Variants in CA5A observed in about 807,000 individuals in gnomAD.
The protein encoded by CA5A is carbonic anhydrase 5A, also known as carbonic anhydrase 5A, mitochondrial.
A neutral mutation model predicts 37.1 loss-of-function variants in CA5A; 28 were observed. That is an observed-to-expected ratio of 0.75 (90% confidence interval 0.56 to 1.03). CA5A has a LOEUF of 1.03. CA5A is among the 50% of genes least tolerant of loss of function. CA5A has a pLI of 0.00. For missense variants in CA5A, 444 were observed against 399.9 expected (o/e 1.11, Z -0.94); for synonymous variants, 171 against 158.4 (o/e 1.08, Z -0.60).
chr16:87,919,235 C>T (rs911278434), intron 2 of CA5A, among the ~76,000 whole-genome samples: 2 of 152,192 alleles, frequency 1.3e-5, no homozygotes, highest in African/African-American at 4.8e-5. Context: ...GAGGTCAGCT[C>T]GGGGTCCATG....
intron 2 of CA5A, among the ~76,000 whole-genome samples, chr16:87,914,187 A>G (rs534744729): frequency 2.0e-5 from 3 of 152,310 alleles, no homozygotes; most frequent in Non-Finnish European, 2.9e-5. Flanking sequence ...TGGAGCAGAA[A>G]TGTGTTGTTG....
rs145845734 is a variant in CA5A, at chr16:87,910,914, T to C, written c.341-6010A>G. The stretch of plus-strand genomic sequence containing the variant: ...ATAGGCACCCACCAGCATGCCCAGC[T>C]AATTTTTGTATTTTTAGTAGAGACG... On this transcript the variant is annotated intron_variant, in intron 2 of 6. Coordinates refer to ENST00000649794, the MANE Select transcript of CA5A (RefSeq NM_001739.2). 6.2e-3 allele frequency among the ~76,000 whole-genome samples: 950 copies of C among 152,088 alleles called. 2 individuals carry two copies. The highest frequency in any genetic ancestry group is 0.011 in the Non-Finnish European group (724 of 67,970).
intron 2 of CA5A, among the ~76,000 whole-genome samples, chr16:87,919,809 G>A (rs561102115): frequency 1.3e-5 from 2 of 152,186 alleles, no homozygotes; most frequent in Admixed American, 6.5e-5. Flanking sequence ...GGGCAGCGGC[G>A]GGTGGGAGAT....
chr16:87,892,258 T>G (rs2143905846), intron 5 of CA5A: 1 of 217,966 alleles, frequency 4.6e-6, no homozygotes, highest in African/African-American at 2.3e-5. Flanking sequence ...CCCTGTAATC[T>G]CAGCACTTTG....
intron 2 of CA5A, among the ~76,000 whole-genome samples, chr16:87,916,488 C>T (rs1343777303): frequency 6.6e-6 from 1 of 152,128 alleles, no homozygotes; most frequent in African/African-American, 2.4e-5. Context: ...TCTTTTCTGA[C>T]CATGTTGTGT....
intron 2 of CA5A, among the ~76,000 whole-genome samples, chr16:87,912,879 G>A (rs1317758355): frequency 6.6e-6 from 1 of 152,236 alleles, no homozygotes; most frequent in Admixed American, 6.5e-5. Context: ...GGAAGCACCA[G>A]CCGGCGAAGG....
rs556778615 is a variant in CA5A, at chr16:87,935,476, G to A, written c.142+833C>T. Among the ~76,000 whole-genome samples the A allele has an allele frequency of 3.3e-4, 51 of 152,320 alleles. 1 individual carries two copies. Among genetic ancestry groups the A allele is most frequent in the African/African-American group, 1.2e-3 (49 of 41,566 alleles). ...GGTCTGGATGGTGAGTCGTGCCAGT[G>A]TGTCCCGTGCGAACACGGACTACCC... is the stretch of plus-strand genomic sequence containing the variant. On this transcript the variant is annotated intron_variant, in intron 1 of 6. Transcript: ENST00000649794.
intron 2 of CA5A, chr16:87,924,410 GAGA>G (rs1318384916): frequency 4.6e-5 from 34 of 733,196 alleles, no homozygotes; most frequent in Admixed American, 3.1e-4. Context: ...GCCTGGCACA[GAGA>G]AGAAGCTCTC....
At chr16:87,909,501 A>G (rs1400917931) in intron 2 of CA5A, among the ~76,000 whole-genome samples, 2 of 152,242 alleles carry the variant, frequency 1.3e-5, no homozygotes, top group South Asian at 2.1e-4. Flanking sequence ...CAGCAGGTGC[A>G]GGGGCCGATG....
intron 1 of CA5A, among the ~76,000 whole-genome samples, chr16:87,935,525 C>G (rs2144114357): frequency 6.6e-6 from 1 of 152,302 alleles, no homozygotes; most frequent in South Asian, 2.1e-4. Flanking sequence ...ATCTTGCCCT[C>G]CCCAGGACCC....
chr16:87,893,831 G>T, intron 5 of CA5A: 1 of 332,328 alleles, frequency 3.0e-6, no homozygotes, highest in South Asian at 2.5e-5. Context: ...GGAGTGCAAT[G>T]ATGCCATCAT....
intron 2 of CA5A, among the ~76,000 whole-genome samples, chr16:87,916,832 G>T (rs184327498): frequency 1.3e-5 from 2 of 152,220 alleles, no homozygotes; most frequent in Non-Finnish European, 2.9e-5. Context: ...GCTGGGCATG[G>T]TGGCTCACGC....
At chr16:87,929,614 T>C (rs963294781) in intron 1 of CA5A, among the ~76,000 whole-genome samples, 3 of 152,128 alleles carry the variant, frequency 2.0e-5, no homozygotes, top group Non-Finnish European at 4.4e-5. Context: ...TGCTCACGCC[T>C]ATAATCCCAG....
At chr16:87,906,877 T>G (rs528381350) in intron 2 of CA5A, among the ~76,000 whole-genome samples, 177 of 152,262 alleles carry the variant, frequency 1.2e-3, no homozygotes, top group African/African-American at 3.8e-3. Context: ...ACATCTCAAT[T>G]TTTAAAAATA....
intron 1 of CA5A, among the ~76,000 whole-genome samples, chr16:87,928,080 G>A (rs1207828434): frequency 3.9e-5 from 6 of 152,076 alleles, no homozygotes; most frequent in Non-Finnish European, 7.4e-5. Flanking sequence ...CCCCTTGCTT[G>A]GGGATGTCAC....
intron 1 of CA5A, among the ~76,000 whole-genome samples, chr16:87,932,060 G>C (rs1030686938): frequency 1.3e-5 from 2 of 151,338 alleles, no homozygotes; most frequent in African/African-American, 4.8e-5. Flanking sequence ...GTTGCAGTGA[G>C]CTGAGATTGC....
chr16:87,907,741 A>G (rs2055986749), intron 2 of CA5A, among the ~76,000 whole-genome samples: 1 of 152,132 alleles, frequency 6.6e-6, no homozygotes, highest in South Asian at 2.1e-4. Flanking sequence ...CCTGACCAAC[A>G]TGGTCAAACC....
chr16:87,932,194 C>T (rs577137638), intron 1 of CA5A, among the ~76,000 whole-genome samples: 1 of 152,164 alleles, frequency 6.6e-6, no homozygotes, highest in Admixed American at 6.5e-5. Context: ...ACTCTACCCC[C>T]CCTCCCACGG....
chr16:87,912,708 CT>C (rs2056068742), intron 2 of CA5A, among the ~76,000 whole-genome samples: 2 of 152,328 alleles, frequency 1.3e-5, no homozygotes, highest in South Asian at 4.1e-4. Flanking sequence ...GGGCCCTAAA[CT>C]TGCTTGGGAC....
Sources: gnomAD v4.1 joint callset for allele counts (sites outside exome capture counted in the v4.1 genomes callset) on GRCh38, gnomAD v4.1.1 for gene constraint, MANE v1.5 for transcripts, NCBI Gene and HGNC (gene_info 2026-07-23, HGNC 2026-07-21) for gene names.